IQUB: variants seen among roughly 807,000 people sequenced by gnomAD.
IQUB encodes the protein IQ motif and ubiquitin-like domain-containing protein.
A neutral mutation model predicts 86.4 loss-of-function variants in IQUB; 86 were observed. That is an observed-to-expected ratio of 1.00 (90% CI 0.84 to 1.19). The LOEUF (loss-of-function observed/expected upper bound fraction) is 1.19. Among genes scored for constraint, IQUB ranks in the 50% most tolerant of loss-of-function variants. The pLI is 0.00. For synonymous variants in IQUB, 289 were observed against 304.5 expected (o/e 0.95, Z 0.53); for missense variants, 946 against 916.9 (o/e 1.03, Z -0.41).
At chr7:123,530,116 C>G (rs1247912474) in intron 1 of IQUB, among the ~76,000 whole-genome samples, 2 of 152,078 alleles carry the variant, frequency 1.3e-5, no homozygotes, top group Admixed American at 1.3e-4. Flanking sequence ...GGCTGAAACA[C>G]GGATCACTTG....
intron 1 of IQUB, among the ~76,000 whole-genome samples, chr7:123,531,531 G>GAAA (rs1286321492): frequency 2.6e-5 from 4 of 151,984 alleles, no homozygotes; most frequent in Non-Finnish European, 5.9e-5. Flanking sequence ...AGTCAAGTCA[G>GAAA]GATTTCTGTT....
chr7:123,522,843 T>TCCCTCCC (rs1186941048), intron 1 of IQUB, among the ~76,000 whole-genome samples: 1 of 117,000 alleles, frequency 8.5e-6, no homozygotes, highest in African/African-American at 3.2e-5. Flanking sequence ...CCCAATGCTA[T>TCCCTCCC]CCCTCCCCCC....
At chr7:123,505,682 CT>C (rs1267294549) in intron 3 of IQUB, among the ~76,000 whole-genome samples, 3 of 152,196 alleles carry the variant, frequency 2.0e-5, no homozygotes, top group African/African-American at 7.2e-5. Flanking sequence ...CACAAAACCA[CT>C]TTTCCCTCCT....
intron 3 of IQUB, 36 bp from the exon 4 acceptor site, chr7:123,503,399 A>G (rs966100579): frequency 4.5e-6 from 5 of 1,110,722 alleles, no homozygotes; most frequent in Middle Eastern, 2.7e-4. Flanking sequence ...AAGTTTTATG[A>G]CAAAGAAATG....
intron 7 of IQUB, among the ~76,000 whole-genome samples, chr7:123,484,305 A>C (rs1056159465): frequency 6.6e-6 from 1 of 152,104 alleles, no homozygotes; most frequent in Non-Finnish European, 1.5e-5. Flanking sequence ...TTGTTATTTA[A>C]GAGCTGATAA....
chr7:123,514,363 T>C (rs113554554), intron 1 of IQUB, among the ~76,000 whole-genome samples: 1 of 152,072 alleles, frequency 6.6e-6, no homozygotes, highest in Non-Finnish European at 1.5e-5. Flanking sequence ...CACCAAGATA[T>C]TTGCTCTAAA....
intron 7 of IQUB, among the ~76,000 whole-genome samples, chr7:123,485,546 T>C (rs764622252): frequency 6.6e-6 from 1 of 152,068 alleles, no homozygotes; most frequent in Non-Finnish European, 1.5e-5. Context: ...TCTGAAAAAA[T>C]TGATTCACTT....
intron 1 of IQUB, among the ~76,000 whole-genome samples, chr7:123,525,289 C>T (rs1005162684): frequency 1.3e-5 from 2 of 152,060 alleles, no homozygotes; most frequent in African/African-American, 2.4e-5. Flanking sequence ...CCATTTCCTC[C>T]TTGTACCTCT....
chr7:123,481,708 A>AAT (rs1476895203), intron 7 of IQUB, among the ~76,000 whole-genome samples: 1 of 152,158 alleles, frequency 6.6e-6, no homozygotes, highest in African/African-American at 2.4e-5. Context: ...GTAGCCTATC[A>AAT]AGCTATTTGA....
chr7:123,485,487 C>T lies in IQUB; in HGVS notation c.1235-5517G>A, dbSNP rs116179078. On this transcript the variant is annotated intron_variant, in intron 7 of 12. Transcript: ENST00000324698. ...ACATAAGTCAGCCCATTACAGATAT[C>T]GATAACCACAAATATTTTTAAGCAA... is the stretch of plus-strand genomic sequence containing the variant. 1.7e-3 allele frequency among the ~76,000 whole-genome samples: 252 copies of T among 152,104 alleles called. 2 individuals are homozygous for T. The highest frequency in any genetic ancestry group is 5.8e-3 in the African/African-American group (241 of 41,510).
At chr7:123,494,635 CT>C in intron 7 of IQUB, among the ~76,000 whole-genome samples, 1 of 152,154 alleles carries the variant, frequency 6.6e-6, no homozygotes, top group East Asian at 1.9e-4. Flanking sequence ...TATATCTGTT[CT>C]ACTTTAGTAT....
At chr7:123,485,005 A>G (rs1410084614) in intron 7 of IQUB, among the ~76,000 whole-genome samples, 1 of 152,132 alleles carries the variant, frequency 6.6e-6, no homozygotes, top group African/African-American at 2.4e-5. Context: ...AGAACTATAC[A>G]GAAGAGACAC....
At chr7:123,468,931 A>G (rs1459073929) in intron 9 of IQUB, among the ~76,000 whole-genome samples, 1 of 152,228 alleles carries the variant, frequency 6.6e-6, no homozygotes, top group Admixed American at 6.5e-5. Context: ...AAAAATGTCA[A>G]AATATGTAGA....
Position 123,527,231 on chromosome 7 carries a change from A to C in IQUB, c.-5+7261T>G, listed in dbSNP as rs79411352. Among the ~76,000 whole-genome samples the C allele has an allele frequency of 7.0e-3, 1,066 of 152,120 alleles. 14 individuals are homozygous for C. Among genetic ancestry groups the C allele is most frequent in the African/African-American group, 0.024 (1,016 of 41,508 alleles). ...ATACATTCTTCCAAATTTTTTTCAA[A>C]GTTTTCAACTTCTTTGCCTTTGGTT... On this transcript the variant is annotated intron_variant, in intron 1 of 12. Transcript: ENST00000324698.
chr7:123,499,105 G>C (rs1795831837), intron 6 of IQUB, among the ~76,000 whole-genome samples: 1 of 151,712 alleles, frequency 6.6e-6, no homozygotes, highest in South Asian at 2.1e-4. Context: ...ATTCCAAAAT[G>C]TTTCCTTTTT....
intron 2 of IQUB, among the ~76,000 whole-genome samples, chr7:123,511,277 A>C (rs1796401806): frequency 6.6e-6 from 1 of 152,158 alleles, no homozygotes. Context: ...CTCATTCACA[A>C]GACGGAAAAG....
At chr7:123,487,428 G>A (rs900990873) in intron 7 of IQUB, among the ~76,000 whole-genome samples, 1 of 152,142 alleles carries the variant, frequency 6.6e-6, no homozygotes, top group Non-Finnish European at 1.5e-5. Context: ...CTTAGAATAG[G>A]ACAATTGGAA....
In IQUB at chr7:123,502,970, G is replaced by A; in HGVS notation, c.841C>T (p.Leu281Phe). 1 of 1,612,120 alleles carries A rather than the reference G, an allele frequency of 6.2e-7. No individual in the cohort carries two copies. The highest frequency in any genetic ancestry group is 8.5e-7 in the Non-Finnish European group (1 of 1,179,298). ...QTVPKRIPER[L>F]SIFCRDTQTV... ...TGCGTATCCCTACAAAATATACTGA[G>A]TCTTTCGGGAATCCTTTTAGGTACA... Residue 281 changes from leucine to phenylalanine, a missense_variant, in exon 5 of 13, where the codon CTC becomes TTC. Coordinates refer to ENST00000324698, the MANE Select transcript of IQUB (RefSeq NM_178827.5).
intron 5 of IQUB, 65 bp downstream of exon 5, chr7:123,502,879 A>C: frequency 7.0e-7 from 1 of 1,434,444 alleles, no homozygotes; most frequent in Non-Finnish European, 9.5e-7. Flanking sequence ...AATTTGAGAG[A>C]GTCATACAGT....
Sources: gnomAD v4.1 joint callset for allele counts (sites outside exome capture counted in the v4.1 genomes callset) on GRCh38, gnomAD v4.1.1 for gene constraint, MANE v1.5 for transcripts, NCBI Gene and HGNC (gene_info 2026-07-23, HGNC 2026-07-21) for gene names.